The following GPD1L variants were observed in gnomAD, a reference collection of about 807,000 sequenced individuals.
GPD1L encodes glycerol-3-phosphate dehydrogenase 1-like protein.
Under a neutral mutation model 32.9 loss-of-function variants are expected in GPD1L, and 17 were observed. The observed-to-expected ratio is 0.52, with a 90% CI of 0.35 to 0.78. The LOEUF (loss-of-function observed/expected upper bound fraction) is 0.78. GPD1L is among the 30% of genes least tolerant of loss of function. The probability of loss-of-function intolerance (pLI) is 0.01; values close to 1 mark genes in which losing one functional copy is unlikely to be tolerated. For synonymous variants in GPD1L, 187 were observed against 165.9 expected (o/e 1.13, Z -0.98); for missense variants, 361 against 447.8 (o/e 0.81, Z 1.75).
chr3:32,144,343 AG>A (rs1700790150), intron 4 of GPD1L, among the ~76,000 whole-genome samples: 1 of 152,186 alleles, frequency 6.6e-6, no homozygotes, highest in African/African-American at 2.4e-5. Context: ...GGCATACCAC[AG>A]ACTCTGAGGC....
At chr3:32,130,474 T>C (rs1181546722) in intron 2 of GPD1L, among the ~76,000 whole-genome samples, 1 of 152,208 alleles carries the variant, frequency 6.6e-6, no homozygotes, top group Non-Finnish European at 1.5e-5. Flanking sequence ...TTTGATGTGC[T>C]GACTTCAGAC....
intron 2 of GPD1L, 76 bp from the exon 3 acceptor site, chr3:32,138,511 T>G: frequency 7.5e-7 from 1 of 1,325,694 alleles, no homozygotes; most frequent in Middle Eastern, 1.8e-4. Context: ...TGATAAATGG[T>G]CAGTGAGTGA....
At position 32,146,748 on chromosome 3, in the gene GPD1L, CA is replaced by C. The variant is rs1367926515; in HGVS notation, c.618+15del. ...GGTGCGCTTAAGGTAAAGTCAGCCT[CA>C]GGGGAGGAGTTCATCAAGCAAGGCA... On this transcript the variant is annotated intron_variant, in intron 5 of 7. Coordinates refer to ENST00000282541, the MANE Select transcript of GPD1L (RefSeq NM_015141.4). 2.1e-6 allele frequency: 3 copies of C among 1,451,048 alleles called. No homozygotes were observed. The highest frequency in any genetic ancestry group is 1.9e-6 in the Non-Finnish European group (2 of 1,032,960). 89.9% of individuals were successfully genotyped at this position (1,451,048 alleles called of 1,614,324 possible).
At chr3:32,143,685 A>T (rs567791049) in intron 4 of GPD1L, among the ~76,000 whole-genome samples, 1 of 152,260 alleles carries the variant, frequency 6.6e-6, no homozygotes. Flanking sequence ...TCTACAAAAA[A>T]TACAAAAATT....
At position 32,159,786 on chromosome 3, in the gene GPD1L, A is replaced by G. The variant is rs542638223; in HGVS notation, c.959+112A>G. On this transcript the variant is annotated intron_variant, in intron 7 of 7. Coordinates refer to ENST00000282541, the MANE Select transcript of GPD1L (RefSeq NM_015141.4). ...TATTTGACAAGTGCCCTTAGAACTT[A>G]TCTGGATTAGTTCAGTCCTTTGTGT... The G allele has an allele frequency of 2.4e-5, 18 of 741,500 alleles. No individual in the cohort carries two copies. The East Asian group carries it at 2.6e-4, about 11-fold the overall frequency. 45.9% of individuals were successfully genotyped at this position (741,500 alleles called of 1,614,324 possible). A position where few individuals can be genotyped will look rare whatever the true frequency, so the allele number is the denominator to read the frequency against.
At chr3:32,149,939 A>G (rs1700888115) in intron 5 of GPD1L, among the ~76,000 whole-genome samples, 1 of 130,684 alleles carries the variant, frequency 7.7e-6, no homozygotes, top group Non-Finnish European at 1.5e-5. Flanking sequence ...ACAGAGTGAG[A>G]CTCCGTCTCA....
intron 1 of GPD1L, among the ~76,000 whole-genome samples, chr3:32,121,372 A>C (rs1160658683): frequency 6.6e-6 from 1 of 151,452 alleles, no homozygotes. Flanking sequence ...GCTGCCGGGA[A>C]GGTACCCAGC....
At position 32,166,191 on chromosome 3, in the gene GPD1L, T is replaced by C. The variant is rs2125501728; in HGVS notation, c.*281T>C. 3 of 466,224 alleles carry C rather than the reference T, an allele frequency of 6.4e-6. No homozygotes were observed. Among genetic ancestry groups the C allele is most frequent in the South Asian group, 4.4e-5 (2 of 45,940 alleles). The allele number at this position is 466,224 out of a possible 1,614,324, so 28.9% of individuals were successfully genotyped here. ...TTGATGTCTTTTTTTCAAAATTGCT[T>C]ATGAAATTTCCACACAATCGTAGCT... On this transcript the variant is annotated 3_prime_UTR_variant, in exon 8 of 8. Coordinates refer to ENST00000282541, the MANE Select transcript of GPD1L (RefSeq NM_015141.4).
At chr3:32,146,403 C>G (rs554660279) in intron 4 of GPD1L, among the ~76,000 whole-genome samples, 1 of 152,212 alleles carries the variant, frequency 6.6e-6, no homozygotes, top group East Asian at 1.9e-4. Flanking sequence ...ACTTTAGATT[C>G]ACATTCGGTC....
At chr3:32,156,651 T>C (rs1700994293) in intron 5 of GPD1L, among the ~76,000 whole-genome samples, 1 of 152,078 alleles carries the variant, frequency 6.6e-6, no homozygotes, top group African/African-American at 2.4e-5. Context: ...TGCGCCTCGG[T>C]CTTCTGGTAA....
chr3:32,132,097 C>T (rs1700594479), intron 2 of GPD1L, among the ~76,000 whole-genome samples: 1 of 152,290 alleles, frequency 6.6e-6, no homozygotes, highest in South Asian at 2.1e-4. Context: ...TTTATATATT[C>T]TAGATACAGG....
chr3:32,137,366 T>A (rs1204586097), intron 2 of GPD1L, among the ~76,000 whole-genome samples: 1 of 152,136 alleles, frequency 6.6e-6, no homozygotes, highest in Non-Finnish European at 1.5e-5. Flanking sequence ...ACTTGTTTGA[T>A]TCCACTGTTC....
chr3:32,118,501 AATAGG>A (rs1447061382), intron 1 of GPD1L, among the ~76,000 whole-genome samples: 1 of 152,036 alleles, frequency 6.6e-6, no homozygotes, highest in Non-Finnish European at 1.5e-5. Context: ...CTGCACTTTT[AATAGG>A]ATCTGACCAT....
intron 2 of GPD1L, among the ~76,000 whole-genome samples, chr3:32,135,276 A>G (rs1700647484): frequency 6.6e-6 from 1 of 152,174 alleles, no homozygotes; most frequent in African/African-American, 2.4e-5. Flanking sequence ...GGGTGCATAA[A>G]TGCCCATCTG....
chr3:32,109,414 GCTT>G (rs1287817978), intron 1 of GPD1L, among the ~76,000 whole-genome samples: 2 of 152,170 alleles, frequency 1.3e-5, no homozygotes, highest in Non-Finnish European at 1.5e-5. Context: ...CCTGCCCGTG[GCTT>G]CTTCATTCTG....
chr3:32,128,342 C>A, intron 2 of GPD1L, 89 bp downstream of exon 2: 1 of 1,059,850 alleles, frequency 9.4e-7, no homozygotes, highest in Non-Finnish European at 1.5e-6. Flanking sequence ...GGGAAAGCTG[C>A]TTCCCTTTTC....
At chr3:32,107,009 C>T (rs1700174383) in intron 1 of GPD1L, among the ~76,000 whole-genome samples, 1 of 152,194 alleles carries the variant, frequency 6.6e-6, no homozygotes, top group South Asian at 2.1e-4. Flanking sequence ...AGCACGCGGG[C>T]ACCTGTCTGC....
At position 32,163,161 on chromosome 3, in the gene GPD1L, C is replaced by CTTTTT. The variant is rs34385950; in HGVS notation, c.960-2632_960-2628dup. On this transcript the variant is annotated intron_variant, in intron 7 of 7. Coordinates refer to ENST00000282541, the MANE Select transcript of GPD1L (RefSeq NM_015141.4). ...GGGATAGCTGGCTGACTGGTTTGTC[C>CTTTTT]TTTTTTTTTTTTTTTTTTTTTTTTT... is the stretch of plus-strand genomic sequence containing the variant. Among the ~76,000 whole-genome samples, 46 of 78,056 alleles carry CTTTTT rather than the reference C, an allele frequency of 5.9e-4. 2 individuals carry two copies. The highest frequency in any genetic ancestry group is 1.3e-3 in the African/African-American group (25 of 19,074). The allele number at this position is 78,056 out of a possible 152,430, so 51.2% of individuals were successfully genotyped here.
chr3:32,161,242 A>T (rs1283806295), intron 7 of GPD1L, among the ~76,000 whole-genome samples: 1 of 152,174 alleles, frequency 6.6e-6, no homozygotes, highest in African/African-American at 2.4e-5. Flanking sequence ...ATGAGGGTGG[A>T]TGGAGCATTT....
Sources: gnomAD v4.1 joint callset for allele counts (sites outside exome capture counted in the v4.1 genomes callset) on GRCh38, gnomAD v4.1.1 for gene constraint, MANE v1.5 for transcripts, NCBI Gene and HGNC (gene_info 2026-07-23, HGNC 2026-07-21) for gene names.